POC1B: variants seen among roughly 807,000 people sequenced by gnomAD.
The protein encoded by POC1B is POC1 centriolar protein homolog B.
POC1B carries 44 observed loss-of-function variants against 60.6 expected under a neutral mutation model. The ratio of observed to expected loss-of-function variants is 0.73; its 90% confidence interval spans 0.57 to 0.93. The LOEUF is 0.93. Among genes scored for constraint, POC1B ranks in the 40% least tolerant of loss-of-function variants. The pLI is 0.00. For missense variants in POC1B, 555 were observed against 572.3 expected (o/e 0.97, Z 0.31); for synonymous variants, 180 against 198.9 (o/e 0.90, Z 0.80).
intron 10 of POC1B, among the ~76,000 whole-genome samples, chr12:89,457,241 G>A (rs1427211313): frequency 6.6e-6 from 1 of 152,176 alleles, no homozygotes; most frequent in Non-Finnish European, 1.5e-5. Context: ...TTGTTGTGCA[G>A]AAGCAAAAGA....
intron 2 of POC1B, among the ~76,000 whole-genome samples, chr12:89,513,250 G>GAAAA (rs58165369): frequency 2.3e-5 from 3 of 129,148 alleles, no homozygotes; most frequent in Non-Finnish European, 3.2e-5. Context: ...TCAAGAATTT[G>GAAAA]AAAAAAAAAA....
At chr12:89,513,456 G>T (rs575877817) in intron 2 of POC1B, among the ~76,000 whole-genome samples, 68 of 152,126 alleles carry the variant, frequency 4.5e-4, no homozygotes, top group African/African-American at 1.6e-3. Flanking sequence ...AAATAGAGGG[G>T]GAAGTAACAA....
At chr12:89,524,749 CCT>C (rs1871270296) in intron 2 of POC1B, 1 of 642,512 alleles carries the variant, frequency 1.6e-6, no homozygotes, top group East Asian at 2.7e-5. Flanking sequence ...CAGCCCAACT[CCT>C]CTCTCCCTAC....
chr12:89,432,414 G>T (rs190267245), intron 10 of POC1B, among the ~76,000 whole-genome samples: 26 of 83,224 alleles, frequency 3.1e-4, no homozygotes, highest in Non-Finnish European at 5.3e-4. Context: ...AAAAAAAAAA[G>T]CCTTAACTTA....
chr12:89,497,171 T>C lies in POC1B; in HGVS notation c.272A>G (p.Lys91Arg), dbSNP rs756669972. The C allele has an allele frequency of 5.0e-6, 8 of 1,611,536 alleles. No homozygotes were observed. Among genetic ancestry groups the C allele is most frequent in the Non-Finnish European group, 6.8e-6 (8 of 1,179,064 alleles). ...DRTVRLWIPD[K>R]RGKFSEFKAH... The stretch of plus-strand genomic sequence containing the variant: ...TCAAGTGTTTCTTTGTTTCTCTTAC[T>C]TATCAGGAATCCAGAGTCTCACGGT... Residue 91 changes from lysine to arginine, a missense_variant and splice_region_variant, in exon 3 of 12, where the codon AAG becomes AGG. Lys to Arg is a conservative substitution (Grantham distance 26). Coordinates refer to ENST00000313546, the MANE Select transcript of POC1B (RefSeq NM_172240.3).
chr12:89,513,891 G>A (rs1310786485), intron 2 of POC1B, among the ~76,000 whole-genome samples: 2 of 152,180 alleles, frequency 1.3e-5, no homozygotes, highest in African/African-American at 4.8e-5. Flanking sequence ...CCACTACTAG[G>A]CTCTGCTGCC....
chr12:89,516,921 C>A (rs1870467991), intron 2 of POC1B, among the ~76,000 whole-genome samples: 1 of 152,084 alleles, frequency 6.6e-6, no homozygotes, highest in Admixed American at 6.6e-5. Context: ...GATTTAGGGC[C>A]CACCCAGATA....
In POC1B at chr12:89,525,195, C is replaced by A. The variant is rs1258226804; in HGVS notation, c.25G>T (p.Val9Phe). The A allele has an allele frequency of 6.2e-7, 1 of 1,609,520 alleles. No homozygotes were observed. Among genetic ancestry groups the A allele is most frequent in the East Asian group, 2.3e-5 (1 of 44,232 alleles). Reference protein sequence around the residue: MASATEDPVLERYFKGHKA... With the variant: MASATEDPFLERYFKGHKA... ...TGGCCTTTGAAATAACGCTCCAGAACGGGGTCCTCCTGGAAAGGAAAGTTG... is the reference window on the plus strand; with the variant it reads ...TGGCCTTTGAAATAACGCTCCAGAAAGGGGTCCTCCTGGAAAGGAAAGTTG... The change falls in exon 2 of 12, where the codon GTT becomes TTT. Residue 9 changes from valine (V) to phenylalanine (F), a missense_variant. Coordinates refer to ENST00000313546, the MANE Select transcript of POC1B (RefSeq NM_172240.3).
intron 3 of POC1B, among the ~76,000 whole-genome samples, chr12:89,494,833 C>T (rs1185052657): frequency 1.3e-5 from 2 of 152,188 alleles, no homozygotes; most frequent in Non-Finnish European, 2.9e-5. Flanking sequence ...CCCAGGCATA[C>T]GAATGAGGAA....
At chr12:89,449,438 T>C (rs1881944504) in intron 10 of POC1B, among the ~76,000 whole-genome samples, 1 of 152,214 alleles carries the variant, frequency 6.6e-6, no homozygotes, top group Non-Finnish European at 1.5e-5. Context: ...TCCACATGTA[T>C]ATATACTTTA....
At chr12:89,429,764 T>C (rs1035310631) in intron 10 of POC1B, among the ~76,000 whole-genome samples, 2 of 152,164 alleles carry the variant, frequency 1.3e-5, no homozygotes, top group African/African-American at 4.8e-5. Flanking sequence ...AGACAGAACA[T>C]AAGCAAACAC....
intron 7 of POC1B, 131 bp downstream of exon 7, chr12:89,470,230 A>C (rs904638824): frequency 1.2e-5 from 6 of 482,452 alleles, no homozygotes; most frequent in Admixed American, 5.4e-5. Context: ...GAAGTAAAAA[A>C]ATTTTATGAT....
chr12:89,455,530 T>G (rs754817816), intron 10 of POC1B, among the ~76,000 whole-genome samples: 2 of 152,230 alleles, frequency 1.3e-5, no homozygotes, highest in Non-Finnish European at 2.9e-5. Flanking sequence ...TACTTCTGTC[T>G]GGCTAGGTTG....
intron 2 of POC1B, among the ~76,000 whole-genome samples, chr12:89,504,398 T>G (rs1869791671): frequency 1.3e-5 from 2 of 152,142 alleles, no homozygotes; most frequent in Non-Finnish European, 2.9e-5. Flanking sequence ...AACAGATGCT[T>G]GAAGGCAGCA....
chr12:89,520,893 TA>T (rs989676183), intron 2 of POC1B: 3 of 152,176 alleles, frequency 2.0e-5, no homozygotes. Context: ...ATAAAACCAG[TA>T]AAAATACTTT....
intron 2 of POC1B, among the ~76,000 whole-genome samples, chr12:89,498,922 A>G (rs1416395894): frequency 2.0e-5 from 3 of 152,166 alleles, no homozygotes; most frequent in African/African-American, 7.2e-5. Flanking sequence ...AAACTTTTAT[A>G]TATTATTTAC....
At chr12:89,491,019 G>T (rs887584796) in intron 4 of POC1B, among the ~76,000 whole-genome samples, 3 of 152,050 alleles carry the variant, frequency 2.0e-5, no homozygotes, top group Non-Finnish European at 4.4e-5. Context: ...CCAGCAAAAT[G>T]TAGGTCAAAG....
intron 10 of POC1B, among the ~76,000 whole-genome samples, chr12:89,430,722 T>C (rs535260955): frequency 6.6e-6 from 1 of 152,268 alleles, no homozygotes; most frequent in African/African-American, 2.4e-5. Context: ...TGTTTACATA[T>C]CCGTATTCCC....
At position 89,502,768 on chromosome 12, in the gene POC1B, C is replaced by T. The variant is rs2135749017; in HGVS notation, c.101-5426G>A. ...AAGAAAAGGGAAAGCAGCATGTTGG[C>T]CAGGATATATTGTTTTTTTATGTTA... On this transcript the variant is annotated intron_variant, in intron 2 of 11. Coordinates refer to ENST00000313546, the MANE Select transcript of POC1B (RefSeq NM_172240.3). The T allele has an allele frequency of 2.2e-6, 3 of 1,339,204 alleles. No homozygotes were observed. In the South Asian group the frequency reaches 3.9e-5, roughly 17 times the overall value. 83.0% of individuals were successfully genotyped at this position (1,339,204 alleles called of 1,614,324 possible). A position where few individuals can be genotyped will look rare whatever the true frequency, so the allele number is the denominator to read the frequency against.
Sources: gnomAD v4.1 joint callset for allele counts (sites outside exome capture counted in the v4.1 genomes callset) on GRCh38, gnomAD v4.1.1 for gene constraint, MANE v1.5 for transcripts, NCBI Gene and HGNC (gene_info 2026-07-23, HGNC 2026-07-21) for gene names.